EHMT2: variants seen among roughly 807,000 people sequenced by gnomAD.
EHMT2 encodes histone-lysine N-methyltransferase EHMT2.
EHMT2 carries 59 observed loss-of-function variants against 143.3 expected under a neutral mutation model. The ratio of observed to expected loss-of-function variants is 0.41; its 90% confidence interval spans 0.33 to 0.51. The LOEUF (loss-of-function observed/expected upper bound fraction) is 0.51, where lower values mean the gene tolerates loss of function less well. EHMT2 is among the 20% of genes least tolerant of loss of function. The pLI is 0.18. For synonymous variants in EHMT2, 604 were observed against 651.5 expected, an observed-to-expected ratio of 0.93 and a Z score of 1.11; for missense variants, 1,174 against 1,645.9, an observed-to-expected ratio of 0.71 and a Z score of 4.96.
In EHMT2 at chr6:31,888,019, T is replaced by G. The variant is rs1273621278; in HGVS notation, c.1745+22A>C. On this transcript the variant is annotated intron_variant, in intron 13 of 27. Transcript: ENST00000375537. The surrounding 1 kb of genome is among the most constrained non-coding windows in gnomAD (Gnocchi z 7.4). The stretch of plus-strand genomic sequence containing the variant: ...TAGGGGTGGGGGAGGGAACAGACAG[T>G]ACAGAAGGGGGAGGCCAGTACCTGG... 6.4e-7 allele frequency: 1 copy of G among 1,571,682 alleles called. No homozygotes were observed. The highest frequency in any genetic ancestry group is 1.4e-5 in the African/African-American group (1 of 74,040).
Position 31,892,737 on chromosome 6 carries a change from GGAA to G in EHMT2, c.668-6_668-4del, listed in dbSNP as rs760580697. The G allele has an allele frequency of 5.6e-6, 9 of 1,612,998 alleles. No individual in the cohort carries two copies. The Admixed American group carries it at 6.7e-5, about 12-fold the overall frequency. The stretch of plus-strand genomic sequence containing the variant: ...CAGCTTCCTCCTTTTGGCCAGATCT[GGAA>G]GAAGAGAGAGAATGGTGTGGGGCCT... On this transcript the variant is annotated splice_polypyrimidine_tract_variant and splice_region_variant and intron_variant, in intron 5 of 27. Coordinates refer to ENST00000375537, the Ensembl canonical transcript of EHMT2.
At chr6:31,897,316 C>A in intron 1 of EHMT2, 2 of 568,926 alleles carry the variant, frequency 3.5e-6, no homozygotes, top group Non-Finnish European at 5.2e-6. Context: ...CCGCGGGGAC[C>A]CCGGGCACCA....
rs1765396683 is a variant in EHMT2 at position 31,889,471 on chromosome 6, A to G, written c.996T>C (p.Asp332=). ...GATATCAGCCTCCGTCTCTTACCCT[A>G]TCTGACTGATTCCCTGACTCCTCAT... The change falls in exon 8 of 28, where the codon GAT becomes GAC. Residue 332 remains aspartate, a synonymous_variant. Coordinates refer to ENST00000375537, the Ensembl canonical transcript of EHMT2. This position sits in a 1 kb window ranked among gnomAD's most constrained non-coding sequence, Gnocchi z 5.1. The G allele has an allele frequency of 6.2e-7, 1 of 1,612,652 alleles. No individual in the cohort carries two copies. Among genetic ancestry groups the G allele is most frequent in the Non-Finnish European group, 8.5e-7 (1 of 1,179,896 alleles).
At chr6:31,897,225 G>C in intron 1 of EHMT2, 29 of 1,226,932 alleles carry the variant, frequency 2.4e-5, no homozygotes, top group Non-Finnish European at 2.9e-5. Flanking sequence ...GAGAAGAGGA[G>C]GGGGAGGGGG....
chr6:31,881,813 C>T lies in EHMT2; in HGVS notation c.3198-721G>A, dbSNP rs916963534. On this transcript the variant is annotated intron_variant, in intron 25 of 27. Transcript: ENST00000375537. The surrounding 1 kb of genome is among the most constrained non-coding windows in gnomAD (Gnocchi z 4.8). ...GTTAGAGGACTATCTTTTTTAAAGG[C>T]CAAAGAATGGTCAGGCACGGTGGCT... Among the ~76,000 whole-genome samples, 2 of 152,024 alleles carry T rather than the reference C, an allele frequency of 1.3e-5. No homozygotes were observed. Among genetic ancestry groups the T allele is most frequent in the African/African-American group, 4.8e-5 (2 of 41,390 alleles).
Position 31,884,598 on chromosome 6 carries a change from C to T in EHMT2, c.2604-39G>A. The T allele has an allele frequency of 6.2e-7, 1 of 1,607,662 alleles. No individual in the cohort carries two copies. Among genetic ancestry groups the T allele is most frequent in the Non-Finnish European group, 8.5e-7 (1 of 1,176,132 alleles). On this transcript the variant is annotated intron_variant, in intron 20 of 27. Transcript: ENST00000375537. This position sits in a 1 kb window ranked among gnomAD's most constrained non-coding sequence, Gnocchi z 7.3. Reference sequence around the variant, plus strand: ...AGGATGCCCAATGCAGGGTCTGAGGCTGCAAGAAGTGGGGGCAGGGGCATC... The same window carrying T: ...AGGATGCCCAATGCAGGGTCTGAGGTTGCAAGAAGTGGGGGCAGGGGCATC...
intron 7 of EHMT2, among the ~76,000 whole-genome samples, chr6:31,891,526 C>T (rs1765684116): frequency 6.6e-6 from 1 of 152,112 alleles, no homozygotes; most frequent in Non-Finnish European, 1.5e-5. Flanking sequence ...GGGAGATGTA[C>T]AGATGGGTCA....
rs370792503 is a variant in EHMT2, at chr6:31,880,080, G to A, written c.*4C>T. ...ATGCTGGGGAGAGAGGGTGTGGTCC[G>A]TTCTCATGTGTTGACAGGGGGCAGG... On this transcript the variant is annotated 3_prime_UTR_variant, in exon 28 of 28. Coordinates refer to ENST00000375537, the Ensembl canonical transcript of EHMT2. This position sits in a 1 kb window ranked among gnomAD's most constrained non-coding sequence, Gnocchi z 6.6. 22 of 1,611,720 alleles carry A rather than the reference G, an allele frequency of 1.4e-5. No individual in the cohort carries two copies. Among genetic ancestry groups the A allele is most frequent in the South Asian group, 7.7e-5 (7 of 91,012 alleles).
chr6:31,892,930 A>T lies in EHMT2; in HGVS notation c.583-20T>A, dbSNP rs1219838687. The T allele has an allele frequency of 6.5e-7, 1 of 1,532,618 alleles. No homozygotes were observed. Among genetic ancestry groups the T allele is most frequent in the East Asian group, 2.3e-5 (1 of 44,086 alleles). The allele number at this position is 1,532,618 out of a possible 1,614,324, so 94.9% of individuals were successfully genotyped here. A position where few individuals can be genotyped will look rare whatever the true frequency, so the allele number is the denominator to read the frequency against. On this transcript the variant is annotated intron_variant, in intron 4 of 27. Transcript: ENST00000375537. ...CGGGGGCTGTGGGCCGAGAGGGAGCACACTGAGGGTCAGAGAGCACCTACA... is the reference window on the plus strand; with the variant it reads ...CGGGGGCTGTGGGCCGAGAGGGAGCTCACTGAGGGTCAGAGAGCACCTACA...
intron 7 of EHMT2, among the ~76,000 whole-genome samples, chr6:31,890,976 CTT>C (rs1023754390): frequency 2.9e-4 from 44 of 150,820 alleles, no homozygotes; most frequent in Middle Eastern, 3.5e-3. Flanking sequence ...GAGTTTCGCT[CTT>C]GTTGCCGAGG....
In EHMT2 at chr6:31,884,875, C is replaced by T. The variant is rs368016714; in HGVS notation, c.2448+37G>A. On this transcript the variant is annotated intron_variant, in intron 19 of 27. Transcript: ENST00000375537. The surrounding 1 kb of genome is among the most constrained non-coding windows in gnomAD (Gnocchi z 7.3). ...ATCCAGCCTCCACCTTGCTCAGGGG[C>T]CTGGGGCTGCCCTACCTCAACCAAA... The T allele has an allele frequency of 5.7e-6, 9 of 1,586,082 alleles. No homozygotes were observed. The highest frequency in any genetic ancestry group is 2.3e-5 in the East Asian group (1 of 44,196).
chr6:31,896,739 T>C (rs771743094), exon 3 of EHMT2: 4 of 1,612,880 alleles, frequency 2.5e-6, no homozygotes, highest in Non-Finnish European at 3.4e-6. Flanking sequence ...AGGCTGGAGA[T>C]GAGGGGCCAG....
chr6:31,879,947 T>C (rs927567803), exon 28 of EHMT2: 8 of 1,044,780 alleles, frequency 7.7e-6, no homozygotes, highest in Admixed American at 7.5e-5. Context: ...GGCTGGGATC[T>C]CTGGTCAGGA....
At chr6:31,894,730 T>C (rs1308297406) in intron 4 of EHMT2, among the ~76,000 whole-genome samples, 4 of 152,118 alleles carry the variant, frequency 2.6e-5, no homozygotes, top group African/African-American at 9.7e-5. Context: ...GGCGCGATCT[T>C]GGCTCACTGC....
exon 18 of EHMT2, chr6:31,886,652 C>T (rs139394219): frequency 2.5e-5 from 40 of 1,613,810 alleles, no homozygotes; most frequent in Non-Finnish European, 3.3e-5. Context: ...ATTTTGGCTG[C>T]GTGGTGGAGG....
Position 31,881,007 on chromosome 6 carries a change from T to A in EHMT2, c.3276+7A>T. The A allele has an allele frequency of 6.2e-7, 1 of 1,612,772 alleles. No individual in the cohort carries two copies. ...GAGCAGCAGGGTAAGGAGGGTCTCC[T>A]GCTCACCTTGTTGTCTAAGTCGAAG... On this transcript the variant is annotated splice_region_variant and intron_variant, in intron 26 of 27. Coordinates refer to ENST00000375537, the Ensembl canonical transcript of EHMT2. The surrounding 1 kb of genome is among the most constrained non-coding windows in gnomAD (Gnocchi z 4.8).
intron 4 of EHMT2, among the ~76,000 whole-genome samples, chr6:31,894,329 T>G (rs1039222911): frequency 6.6e-6 from 1 of 152,154 alleles, no homozygotes; most frequent in Non-Finnish European, 1.5e-5. Context: ...GTATTTTTAA[T>G]AGAGATGGGG....
Position 31,889,237 on chromosome 6 carries a change from C to A in EHMT2, c.1105G>T (p.Glu369Ter). Reference sequence around the variant, plus strand: ...AGCAGAGCCTCCTCACCTCGTGGCTCCTTGGCCCGCGGAGGCTCCCGCTTG... The same window carrying A: ...AGCAGAGCCTCCTCACCTCGTGGCTACTTGGCCCGCGGAGGCTCCCGCTTG... The change falls in exon 9 of 28, where the codon GAG (glutamate) becomes TAG (stop). Residue 369 changes from glutamate (E) to a stop codon, truncating the protein, a stop_gained. Transcript: ENST00000375537. LOFTEE classifies it high-confidence loss of function. This position sits in a 1 kb window ranked among gnomAD's most constrained non-coding sequence, Gnocchi z 5.1. 1 of 1,607,638 alleles carries A rather than the reference C, an allele frequency of 6.2e-7. No individual in the cohort carries two copies. The highest frequency in any genetic ancestry group is 8.5e-7 in the Non-Finnish European group (1 of 1,178,008).
At position 31,884,229 on chromosome 6, in the gene EHMT2, C is replaced by A; in HGVS notation, c.2771+163G>T. 1 of 822,962 alleles carries A rather than the reference C, an allele frequency of 1.2e-6. No individual in the cohort carries two copies. 51.0% of individuals were successfully genotyped at this position (822,962 alleles called of 1,614,324 possible). A position where few individuals can be genotyped will look rare whatever the true frequency, so the allele number is the denominator to read the frequency against. On this transcript the variant is annotated intron_variant, in intron 21 of 27. Coordinates refer to ENST00000375537, the Ensembl canonical transcript of EHMT2. This position sits in a 1 kb window ranked among gnomAD's most constrained non-coding sequence, Gnocchi z 7.3. ...ACTGGGTGTCTTCTATTTTTATTTG[C>A]TGTATCTGGCAACCCTAGTGGGGAG... is the stretch of plus-strand genomic sequence containing the variant.
Sources: gnomAD v4.1 joint callset for allele counts (sites outside exome capture counted in the v4.1 genomes callset) on GRCh38, gnomAD v4.1.1 for gene constraint, Gnocchi (gnomAD v3.1) non-coding constraint, MANE v1.5 for transcripts, NCBI Gene and HGNC (gene_info 2026-07-23, HGNC 2026-07-21) for gene names.